Variants in ADGRB1 observed in about 807,000 individuals in gnomAD.
ADGRB1 encodes the protein adhesion G protein-coupled receptor B1, also known as brain-specific angiogenesis inhibitor 1.
Under a neutral mutation model 175.7 loss-of-function variants are expected in ADGRB1, and 36 were observed. That is an observed-to-expected ratio of 0.20 (90% confidence interval 0.16 to 0.27). The LOEUF is 0.27. ADGRB1 is among the 10% of genes least tolerant of loss of function. The pLI, the probability that ADGRB1 is intolerant of heterozygous loss-of-function variation, is 1.00. For synonymous variants in ADGRB1, 1,054 were observed against 979.4 expected (o/e 1.08, Z -1.42); for missense variants, 1,731 against 2,255.3 (o/e 0.77, Z 4.71).
chr8:142,468,093 G>C (rs1457665605), intron 2 of ADGRB1, among the ~76,000 whole-genome samples: 1 of 152,212 alleles, frequency 6.6e-6, no homozygotes, highest in African/African-American at 2.4e-5. Context: ...GTGTGTGCGT[G>C]TTCATGCATG....
Position 142,542,001 on chromosome 8 carries a change from C to G in ADGRB1, c.3767C>G (p.Pro1256Arg), listed in dbSNP as rs374309834. 2 of 1,594,064 alleles carry G rather than the reference C, an allele frequency of 1.3e-6. No individual in the cohort carries two copies. Among genetic ancestry groups the G allele is most frequent in the African/African-American group, 2.7e-5 (2 of 74,456 alleles). Reference protein sequence around the residue: ...TATITGTLKRPSLPEEEKLKL... With the variant: ...TATITGTLKRRSLPEEEKLKL... The stretch of plus-strand genomic sequence containing the variant: ...ACCATCACGGGCACACTGAAGCGGC[C>G]GTCTCTGCCCGAGGAGGAGAAGCTG... The change falls in exon 28 of 31, where the codon CCG (proline) becomes CGG (arginine). Residue 1256 changes from proline to arginine, a missense_variant. Transcript: ENST00000517894. The surrounding 1 kb of genome is among the most constrained non-coding windows in gnomAD (Gnocchi z 6.3).
chr8:142,506,814 C>G (rs542961819), intron 17 of ADGRB1, among the ~76,000 whole-genome samples: 1 of 152,338 alleles, frequency 6.6e-6, no homozygotes, highest in South Asian at 2.1e-4. Flanking sequence ...CAGTTCAGGG[C>G]CCAGCCCTCC....
intron 2 of ADGRB1, among the ~76,000 whole-genome samples, chr8:142,465,753 C>T (rs999118756): frequency 6.6e-6 from 1 of 152,084 alleles, no homozygotes; most frequent in African/African-American, 2.4e-5. Flanking sequence ...ACCTGGAGGT[C>T]AGGGAGGCTG....
intron 5 of ADGRB1, 30 bp from the exon 6 acceptor site, chr8:142,477,355 T>TG: frequency 2.7e-6 from 4 of 1,498,908 alleles, no homozygotes; most frequent in Non-Finnish European, 3.6e-6. Context: ...GTGGCCGCAG[T>TG]GGGCAGCAGC....
chr8:142,454,635 T>C (rs1007288759), intron 1 of ADGRB1, among the ~76,000 whole-genome samples: 1 of 152,122 alleles, frequency 6.6e-6, no homozygotes, highest in African/African-American at 2.4e-5. Flanking sequence ...CCCTGCGTTC[T>C]GCTCTGTGAC....
At chr8:142,489,639 G>A (rs1409876172) in intron 16 of ADGRB1, among the ~76,000 whole-genome samples, 2 of 152,156 alleles carry the variant, frequency 1.3e-5, no homozygotes, top group African/African-American at 2.4e-5. Context: ...AGCAAGTGAG[G>A]TGCCGAAACC....
intron 17 of ADGRB1, among the ~76,000 whole-genome samples, chr8:142,497,795 C>T (rs1006834185): frequency 6.6e-6 from 1 of 152,206 alleles, no homozygotes; most frequent in Admixed American, 6.5e-5. Flanking sequence ...TGGCAGAGGC[C>T]TGTGTGGGCC....
intron 1 of ADGRB1, among the ~76,000 whole-genome samples, chr8:142,452,995 A>T (rs949632183): frequency 7.5e-5 from 11 of 147,532 alleles, no homozygotes; most frequent in Admixed American, 3.4e-4. Flanking sequence ...CTCCGGCCCC[A>T]TCTTGGGCAG....
At chr8:142,477,327 G>A (rs1270206754) in intron 5 of ADGRB1, 49 bp downstream of exon 5, 1 of 1,565,302 alleles carries the variant, frequency 6.4e-7, no homozygotes, top group Non-Finnish European at 8.6e-7. Flanking sequence ...GCAGCGGGGG[G>A]CCAGGGCAGC....
intron 26 of ADGRB1, 104 bp from the exon 27 acceptor site, chr8:142,539,270 C>T (rs893456984): frequency 2.7e-5 from 33 of 1,222,042 alleles, no homozygotes; most frequent in Non-Finnish European, 3.6e-5. Context: ...AGGGGTTCCT[C>T]GGGGCAGCAG....
chr8:142,533,152 A>G (rs2132225787), intron 24 of ADGRB1, 143 bp from the exon 25 acceptor site: 1 of 920,156 alleles, frequency 1.1e-6, no homozygotes, highest in Middle Eastern at 3.5e-4. Flanking sequence ...CCAGAGAGGA[A>G]GGGCTGCTTG....
chr8:142,454,004 C>T (rs892676216), intron 1 of ADGRB1, among the ~76,000 whole-genome samples: 7 of 152,118 alleles, frequency 4.6e-5, no homozygotes, highest in African/African-American at 1.4e-4. Context: ...CAGAGGGGTC[C>T]GGACCAGACC....
chr8:142,508,253 T>C (rs1426070238), intron 17 of ADGRB1, among the ~76,000 whole-genome samples: 1 of 152,216 alleles, frequency 6.6e-6, no homozygotes, highest in Non-Finnish European at 1.5e-5. Flanking sequence ...TTAGCGGCTC[T>C]GTGCCTGGGG....
At chr8:142,522,516 C>T in intron 21 of ADGRB1, 125 bp from the exon 22 acceptor site, 2 of 951,638 alleles carry the variant, frequency 2.1e-6, no homozygotes, top group Non-Finnish European at 3.1e-6. Context: ...TGCTCAGCCC[C>T]ATCCTCTGTT....
At position 142,537,837 on chromosome 8, in the gene ADGRB1, C is replaced by T. The variant is rs189564428; in HGVS notation, c.3666+755C>T. The stretch of plus-strand genomic sequence containing the variant: ...GAGCCTCAACTCTTCCACACCTCGA[C>T]CTCAGCATCTTCCTCCTGCAGCCTT... On this transcript the variant is annotated intron_variant, in intron 26 of 30. Transcript: ENST00000517894. The surrounding 1 kb of genome is among the most constrained non-coding windows in gnomAD (Gnocchi z 4.6). 6.6e-6 allele frequency among the ~76,000 whole-genome samples: 1 copy of T among 152,312 alleles called. No homozygotes were observed. Among genetic ancestry groups the T allele is most frequent in the East Asian group, 1.9e-4 (1 of 5,178 alleles).
At position 142,486,810 on chromosome 8, in the gene ADGRB1, G is replaced by A. The variant is rs891552623; in HGVS notation, c.2309-1554G>A. ...AAGGCAGGAGGATCGCTTGAGCCCAGGAGTTTGAGACCAGCCTGGGCAGCA... is the reference window on the plus strand; with the variant it reads ...AAGGCAGGAGGATCGCTTGAGCCCAAGAGTTTGAGACCAGCCTGGGCAGCA... On this transcript the variant is annotated intron_variant, in intron 13 of 30. Coordinates refer to ENST00000517894, the MANE Select transcript of ADGRB1 (RefSeq NM_001702.3). Among the ~76,000 whole-genome samples, 4 of 152,322 alleles carry A rather than the reference G, an allele frequency of 2.6e-5. No individual in the cohort carries two copies. The East Asian group carries it at 7.7e-4, about 29-fold the overall frequency.
Position 142,475,617 on chromosome 8 carries a change from A to C in ADGRB1, c.928A>C (p.Asn310His). The C allele has an allele frequency of 2.4e-6, 3 of 1,232,986 alleles. No individual in the cohort carries two copies. The highest frequency in any genetic ancestry group is 3.0e-6 in the Non-Finnish European group (3 of 988,240). 76.4% of individuals were successfully genotyped at this position (1,232,986 alleles called of 1,614,324 possible). A position where few individuals can be genotyped will look rare whatever the true frequency, so the allele number is the denominator to read the frequency against. ...GGTGCTGGAGGAGGGTCGCCAGTGC[A>C]ACCGCGAGGCCTGCGGCCGTGAGTG... ...EGVLEEGRQC[N>H]REACGPAGRT... Residue 310 changes from asparagine to histidine, a missense_variant, in exon 3 of 31, where the codon AAC becomes CAC. By Grantham distance (68) the Asn-to-His change is moderately conservative. Transcript: ENST00000517894.
intron 26 of ADGRB1, among the ~76,000 whole-genome samples, chr8:142,538,352 G>C (rs770369491): frequency 3.3e-5 from 5 of 152,206 alleles, no homozygotes; most frequent in Non-Finnish European, 7.3e-5. Context: ...CCTTCAGTGA[G>C]AGACGGCCAC....
chr8:142,517,734 T>C (rs1843527089), intron 18 of ADGRB1, among the ~76,000 whole-genome samples: 1 of 151,982 alleles, frequency 6.6e-6, no homozygotes, highest in South Asian at 2.1e-4. Flanking sequence ...CCCCCGGATT[T>C]CTCGAAGCCT....
Sources: gnomAD v4.1 joint callset for allele counts (sites outside exome capture counted in the v4.1 genomes callset) on GRCh38, gnomAD v4.1.1 for gene constraint, Gnocchi (gnomAD v3.1) non-coding constraint, MANE v1.5 for transcripts, NCBI Gene and HGNC (gene_info 2026-07-23, HGNC 2026-07-21) for gene names.